The following PPP3CA variants were observed in gnomAD, a reference collection of about 807,000 sequenced individuals.
PPP3CA encodes protein phosphatase 3 catalytic subunit alpha, also known as CAM-PRP catalytic subunit.
Under a neutral mutation model 66.5 loss-of-function variants are expected in PPP3CA, and 14 were observed. The ratio of observed to expected loss-of-function variants is 0.21; its 90% confidence interval spans 0.14 to 0.33. The LOEUF (loss-of-function observed/expected upper bound fraction) is 0.33. Ranked by LOEUF, PPP3CA falls within the 10% of genes least tolerant of loss-of-function variation. The pLI is 1.00. For synonymous variants in PPP3CA, 232 were observed against 226.2 expected, an observed-to-expected ratio of 1.03 and a Z score of -0.23; for missense variants, 317 against 639.5, an observed-to-expected ratio of 0.50 and a Z score of 5.44.
intron 1 of PPP3CA, among the ~76,000 whole-genome samples, chr4:101,219,125 A>T (rs767892585): frequency 5.3e-5 from 8 of 152,042 alleles, no homozygotes; most frequent in Non-Finnish European, 1.0e-4. Context: ...GAAGGGTGTG[A>T]CTGGGGCTTT....
intron 1 of PPP3CA, among the ~76,000 whole-genome samples, chr4:101,340,073 C>T (rs6832020): frequency 0.11 from 16,178 of 152,118 alleles, 2,917 homozygotes; most frequent in African/African-American, 0.37. Flanking sequence ...ATCATTCTTC[C>T]GGTTTCACAG....
chr4:101,331,452 C>G (rs1358233792), intron 1 of PPP3CA, among the ~76,000 whole-genome samples: 2 of 152,112 alleles, frequency 1.3e-5, no homozygotes, highest in African/African-American at 4.8e-5. Flanking sequence ...TTGCACTAAG[C>G]ACTGGAGAGA....
At chr4:101,220,450 A>G (rs1725591331) in intron 1 of PPP3CA, among the ~76,000 whole-genome samples, 3 of 151,716 alleles carry the variant, frequency 2.0e-5, no homozygotes, top group South Asian at 4.1e-4. Flanking sequence ...CTCTCAAATA[A>G]CAGTATTAAC....
At chr4:101,277,753 G>A (rs577481845) in intron 1 of PPP3CA, among the ~76,000 whole-genome samples, 25 of 152,214 alleles carry the variant, frequency 1.6e-4, no homozygotes, top group African/African-American at 6.0e-4. Context: ...TATTTATTAA[G>A]TACCTACTAT....
At chr4:101,323,996 C>T (rs1242182990) in intron 1 of PPP3CA, among the ~76,000 whole-genome samples, 1 of 152,000 alleles carries the variant, frequency 6.6e-6, no homozygotes, top group Non-Finnish European at 1.5e-5. Context: ...ACTTGTAATC[C>T]CAGCTACTCA....
intron 1 of PPP3CA, among the ~76,000 whole-genome samples, chr4:101,344,855 T>C (rs569927305): frequency 2.6e-5 from 4 of 152,354 alleles, no homozygotes; most frequent in African/African-American, 4.8e-5. Flanking sequence ...ACACGTTCAC[T>C]AGTATCATTT....
intron 1 of PPP3CA, among the ~76,000 whole-genome samples, chr4:101,293,224 C>T (rs1217769556): frequency 1.3e-5 from 2 of 152,172 alleles, no homozygotes; most frequent in East Asian, 3.9e-4. Context: ...AATCCTCCTA[C>T]CCTTCGTTTT....
intron 2 of PPP3CA, among the ~76,000 whole-genome samples, chr4:101,176,866 G>A (rs1291218900): frequency 6.6e-6 from 1 of 151,946 alleles, no homozygotes; most frequent in African/African-American, 2.4e-5. Flanking sequence ...CGATATACTA[G>A]GATATTTTAC....
At chr4:101,100,424 T>C (rs182377162) in intron 3 of PPP3CA, among the ~76,000 whole-genome samples, 8 of 152,242 alleles carry the variant, frequency 5.3e-5, no homozygotes, top group Admixed American at 2.6e-4. Context: ...ATTAATCATA[T>C]TGTACTAAAA....
intron 1 of PPP3CA, among the ~76,000 whole-genome samples, chr4:101,265,427 G>C (rs1008759244): frequency 6.6e-6 from 1 of 152,052 alleles, no homozygotes; most frequent in Non-Finnish European, 1.5e-5. Flanking sequence ...CTTTCTTCAA[G>C]ATATTTAATC....
At chr4:101,262,363 A>G (rs903482580) in intron 1 of PPP3CA, among the ~76,000 whole-genome samples, 3 of 152,132 alleles carry the variant, frequency 2.0e-5, no homozygotes, top group Non-Finnish European at 2.9e-5. Flanking sequence ...TTCCAATTAA[A>G]ACAACCCAAA....
At chr4:101,194,087 C>A (rs2110188751) in intron 2 of PPP3CA, among the ~76,000 whole-genome samples, 1 of 152,298 alleles carries the variant, frequency 6.6e-6, no homozygotes, top group East Asian at 1.9e-4. Flanking sequence ...GAGTAAGTCT[C>A]TGGCTTGACT....
intron 1 of PPP3CA, among the ~76,000 whole-genome samples, chr4:101,220,454 T>C (rs1725591418): frequency 6.6e-6 from 1 of 151,740 alleles, no homozygotes; most frequent in Non-Finnish European, 1.5e-5. Flanking sequence ...CAAATAACAG[T>C]ATTAACACTA....
At chr4:101,208,751 A>G (rs1002830590) in intron 1 of PPP3CA, among the ~76,000 whole-genome samples, 3 of 152,240 alleles carry the variant, frequency 2.0e-5, no homozygotes, top group African/African-American at 7.2e-5. Context: ...TTTATGGCAT[A>G]TAATTGAAGG....
chr4:101,324,135 G>A (rs1273064429), intron 1 of PPP3CA, among the ~76,000 whole-genome samples: 1 of 130,234 alleles, frequency 7.7e-6, no homozygotes, highest in Non-Finnish European at 1.5e-5. Context: ...AGGAAGGGAA[G>A]GAAGGGAAGG....
At chr4:101,306,147 C>T (rs1255801868) in intron 1 of PPP3CA, among the ~76,000 whole-genome samples, 1 of 152,154 alleles carries the variant, frequency 6.6e-6, no homozygotes, top group Admixed American at 6.6e-5. Context: ...GTCCATGGAA[C>T]ATCTATTGTT....
At chr4:101,218,348 T>C (rs1725516192) in intron 1 of PPP3CA, among the ~76,000 whole-genome samples, 1 of 152,090 alleles carries the variant, frequency 6.6e-6, no homozygotes, top group Non-Finnish European at 1.5e-5. Context: ...TATCAAATAC[T>C]ATTCAGCTAA....
chr4:101,302,592 G>A (rs536570569), intron 1 of PPP3CA, among the ~76,000 whole-genome samples: 3 of 152,242 alleles, frequency 2.0e-5, no homozygotes, highest in African/African-American at 2.4e-5. Flanking sequence ...GTGCAAAGGC[G>A]CAATCTCAGC....
At chr4:101,313,923 T>C (rs1021327895) in intron 1 of PPP3CA, among the ~76,000 whole-genome samples, 7 of 152,104 alleles carry the variant, frequency 4.6e-5, no homozygotes, top group Non-Finnish European at 8.8e-5. Flanking sequence ...TATAAGAAAA[T>C]GGGGGGAACT....
Sources: gnomAD v4.1 joint callset for allele counts (sites outside exome capture counted in the v4.1 genomes callset) on GRCh38, gnomAD v4.1.1 for gene constraint, MANE v1.5 for transcripts, NCBI Gene and HGNC (gene_info 2026-07-23, HGNC 2026-07-21) for gene names.